The following ALG12 variants were observed in gnomAD, a reference collection of about 807,000 sequenced individuals.
ALG12 encodes ALG12 alpha-1,6-mannosyltransferase.
In ALG12, 36 loss-of-function variants were observed where a neutral mutation model predicts 46.0. The observed-to-expected ratio is 0.78, with a 90% CI of 0.60 to 1.03. The LOEUF (loss-of-function observed/expected upper bound fraction) is 1.03. Among genes scored for constraint, ALG12 ranks in the 50% least tolerant of loss-of-function variants. The pLI is 0.00. For missense variants in ALG12, 599 were observed against 633.5 expected (o/e 0.95, Z 0.58); for synonymous variants, 326 against 291.6 (o/e 1.12, Z -1.20).
At chr22:49,883,856 G>T in the ALG12 span, 1 of 1,608,426 alleles carries the variant, frequency 6.2e-7, no homozygotes. Flanking sequence ...GGTGGGACGG[G>T]TTGCAGCTGC....
chr22:49,870,300 G>C, the ALG12 span, among the ~76,000 whole-genome samples: 1 of 152,144 alleles, frequency 6.6e-6, no homozygotes, highest in African/African-American at 2.4e-5. Flanking sequence ...TGTGTACATG[G>C]GGTTTTTTTG....
At chr22:49,870,430 G>A in the ALG12 span, among the ~76,000 whole-genome samples, 2 of 152,162 alleles carry the variant, frequency 1.3e-5, no homozygotes, top group African/African-American at 4.8e-5. Flanking sequence ...TGAACTCATT[G>A]ACATCCCTGC....
the ALG12 span, among the ~76,000 whole-genome samples, chr22:49,871,727 G>A: frequency 2.7e-5 from 4 of 149,922 alleles, no homozygotes; most frequent in African/African-American, 9.8e-5. Flanking sequence ...CTGAAGGGTG[G>A]GGTGGCTGTG....
chr22:49,864,320 A>G, the ALG12 span, among the ~76,000 whole-genome samples: 8 of 152,248 alleles, frequency 5.3e-5, no homozygotes, highest in African/African-American at 1.7e-4. Context: ...AAACATCACA[A>G]TCTCAAAATA....
chr22:49,913,602 A>C lies in ALG12; in HGVS notation c.162+2T>G. ...TCCCCAAAGACAGCAGGGGCCCCTC[A>C]CCTGCTCCAGGTCTTGCCAGTGGTA... On this transcript the variant is annotated splice_donor_variant, in intron 2 of 9. Coordinates refer to ENST00000330817, the MANE Select transcript of ALG12 (RefSeq NM_024105.4). LOFTEE classifies it high-confidence loss of function. The C allele has an allele frequency of 6.2e-7, 1 of 1,614,048 alleles. No individual in the cohort carries two copies. Among genetic ancestry groups the C allele is most frequent in the Non-Finnish European group, 8.5e-7 (1 of 1,180,016 alleles).
chr22:49,878,035 TG>T, the ALG12 span, among the ~76,000 whole-genome samples: 2 of 152,180 alleles, frequency 1.3e-5, no homozygotes, highest in African/African-American at 4.8e-5. Flanking sequence ...CCAGGCGTGG[TG>T]GCTCATGCCT....
At chr22:49,892,625 T>C in the ALG12 span, among the ~76,000 whole-genome samples, 11,775 of 152,252 alleles carry the variant, frequency 0.077, 557 homozygotes, top group South Asian at 0.12. Flanking sequence ...GTGCCTGCCA[T>C]TGAGAAAACT....
the ALG12 span, among the ~76,000 whole-genome samples, chr22:49,872,906 C>T: frequency 2.0e-5 from 3 of 152,222 alleles, no homozygotes; most frequent in African/African-American, 7.2e-5. Flanking sequence ...CCATGTTAGC[C>T]AGGATGGTCT....
the ALG12 span, among the ~76,000 whole-genome samples, chr22:49,874,583 C>T: frequency 2.0e-5 from 3 of 149,746 alleles, no homozygotes; most frequent in African/African-American, 7.4e-5. Context: ...CCAGTTTGGC[C>T]AGGATGCTCT....
the ALG12 span, among the ~76,000 whole-genome samples, chr22:49,874,018 C>G: frequency 6.6e-6 from 1 of 152,256 alleles, no homozygotes; most frequent in African/African-American, 2.4e-5. Flanking sequence ...TGTGACCTCT[C>G]TGAACTCTCT....
the ALG12 span, chr22:49,887,074 C>T: frequency 6.2e-7 from 1 of 1,614,062 alleles, no homozygotes; most frequent in African/African-American, 1.3e-5. Flanking sequence ...GTTCAACACA[C>T]CCACTGAGAA....
the ALG12 span, among the ~76,000 whole-genome samples, chr22:49,862,629 CT>C: frequency 6.6e-6 from 1 of 151,202 alleles, no homozygotes; most frequent in Non-Finnish European, 1.5e-5. Context: ...GTTACAGCAG[CT>C]ACTTCCTTAT....
chr22:49,910,334 G>A (rs2060569066), intron 4 of ALG12, 100 bp downstream of exon 4: 1 of 1,462,622 alleles, frequency 6.8e-7, no homozygotes, highest in African/African-American at 1.4e-5. Flanking sequence ...AGTGGGGAAT[G>A]GCCATTACGG....
Position 49,905,289 on chromosome 22 carries a change from C to T in ALG12, c.993-783G>A, listed in dbSNP as rs1460924461. Among the ~76,000 whole-genome samples the T allele has an allele frequency of 6.6e-6, 1 of 152,192 alleles. No individual in the cohort carries two copies. Among genetic ancestry groups the T allele is most frequent in the Non-Finnish European group, 1.5e-5 (1 of 68,034 alleles). On this transcript the variant is annotated intron_variant, in intron 7 of 9. Coordinates refer to ENST00000330817, the MANE Select transcript of ALG12 (RefSeq NM_024105.4). The surrounding 1 kb of genome is among the most constrained non-coding windows in gnomAD (Gnocchi z 4.9). ...AAGCTTGCCAACCCTGGTCTAAACGCCCTGAACCCCCGATCAAGACTCACT... is the reference window on the plus strand; with the variant it reads ...AAGCTTGCCAACCCTGGTCTAAACGTCCTGAACCCCCGATCAAGACTCACT...
chr22:49,879,161 CA>C, the ALG12 span, among the ~76,000 whole-genome samples: 3 of 144,286 alleles, frequency 2.1e-5, no homozygotes, highest in East Asian at 4.4e-4. Flanking sequence ...AAACAAAAAA[CA>C]AAAAAAAACA....
At chr22:49,895,436 G>T (rs1488182625), downstream of ALG12, among the ~76,000 whole-genome samples, 1 of 152,142 alleles carries the variant, frequency 6.6e-6, no homozygotes, top group East Asian at 1.9e-4. Flanking sequence ...TGGATCACCT[G>T]AGGTCAGGAG....
the ALG12 span, among the ~76,000 whole-genome samples, chr22:49,864,278 C>T: frequency 6.6e-6 from 1 of 152,214 alleles, no homozygotes; most frequent in East Asian, 1.9e-4. Context: ...TGGAATATCG[C>T]ATAATGTCTC....
At chr22:49,878,112 C>T in the ALG12 span, among the ~76,000 whole-genome samples, 5 of 152,004 alleles carry the variant, frequency 3.3e-5, no homozygotes, top group African/African-American at 1.2e-4. Context: ...CAAGACAATC[C>T]TGGCCAACGT....
At chr22:49,899,135 C>T (rs2060494222), downstream of ALG12, among the ~76,000 whole-genome samples, 1 of 151,918 alleles carries the variant, frequency 6.6e-6, no homozygotes, top group Admixed American at 6.6e-5. Flanking sequence ...ACAAAAAATA[C>T]CAAAAAATTA....
Sources: allele counts gnomAD v4.1 joint callset (sites outside exome capture counted in the v4.1 genomes callset), GRCh38; gene constraint gnomAD v4.1.1; non-coding constraint Gnocchi (gnomAD v3.1); transcripts MANE v1.5; gene names NCBI Gene and HGNC (gene_info 2026-07-23, HGNC 2026-07-21).